PTPRK: variants seen among roughly 807,000 people sequenced by gnomAD.
PTPRK encodes the protein protein tyrosine phosphatase receptor type K, also known as receptor-type tyrosine-protein phosphatase kappa.
Under a neutral mutation model 178.0 loss-of-function variants are expected in PTPRK, and 75 were observed. The observed-to-expected ratio is 0.42, with a 90% CI of 0.35 to 0.51. The LOEUF is 0.51. Among genes scored for constraint, PTPRK ranks in the 20% least tolerant of loss-of-function variants. The pLI, the probability that PTPRK is intolerant of heterozygous loss-of-function variation, is 0.02. For synonymous variants in PTPRK, 637 were observed against 620.6 expected, an observed-to-expected ratio of 1.03 and a Z score of -0.39; for missense variants, 1,441 against 1,797.8, an observed-to-expected ratio of 0.80 and a Z score of 3.59.
chr6:128,158,417 A>G (rs550068968), intron 7 of PTPRK, among the ~76,000 whole-genome samples: 1 of 152,084 alleles, frequency 6.6e-6, no homozygotes, highest in African/African-American at 2.4e-5. Flanking sequence ...AATAATAAAG[A>G]AAAGAAAGTA....
In PTPRK at chr6:128,255,136, G is replaced by A. The variant is rs543687852; in HGVS notation, c.496-12534C>T. Among the ~76,000 whole-genome samples, 24 of 152,156 alleles carry A rather than the reference G, an allele frequency of 1.6e-4. No individual in the cohort carries two copies. The South Asian group carries it at 2.9e-3, about 18-fold the overall frequency. On this transcript the variant is annotated intron_variant, in intron 3 of 29. Transcript: ENST00000368226. ...CTCCTGAGTAGCTGGGACTACAGGC[G>A]CCCGCCACCATGCCCAGCCAATTTT...
rs536866613 is a variant in PTPRK, at chr6:128,103,404, C to A, written c.1163-13412G>T. 7.2e-5 allele frequency among the ~76,000 whole-genome samples: 11 copies of A among 152,294 alleles called. No individual in the cohort carries two copies. The South Asian group carries it at 2.3e-3, about 32-fold the overall frequency. Reference sequence around the variant, plus strand: ...CTGAGCTGATTAACACTTAAGCCATCTGCAGATGGCAGAGATAAGGAGCAC... The same window carrying A: ...CTGAGCTGATTAACACTTAAGCCATATGCAGATGGCAGAGATAAGGAGCAC... On this transcript the variant is annotated intron_variant, in intron 7 of 29. Coordinates refer to ENST00000368226, the MANE Select transcript of PTPRK (RefSeq NM_002844.4).
intron 5 of PTPRK, among the ~76,000 whole-genome samples, chr6:128,221,603 T>C (rs1022433068): frequency 4.9e-4 from 74 of 152,036 alleles, no homozygotes; most frequent in African/African-American, 1.8e-3. Context: ...TTTCTCCATA[T>C]CTTAAATCAT....
intron 13 of PTPRK, among the ~76,000 whole-genome samples, chr6:128,014,871 A>C (rs1038143644): frequency 1.3e-5 from 2 of 151,652 alleles, no homozygotes; most frequent in Non-Finnish European, 3.0e-5. Context: ...GCCCAGTATT[A>C]GATCACTGAC....
At chr6:127,976,105 C>T (rs1379450676) in intron 27 of PTPRK, among the ~76,000 whole-genome samples, 1 of 152,096 alleles carries the variant, frequency 6.6e-6, no homozygotes, top group Non-Finnish European at 1.5e-5. Flanking sequence ...GGTAGCAGCA[C>T]TGGTTCTACC....
chr6:128,218,862 A>G, intron 6 of PTPRK, 60 bp downstream of exon 6: 1 of 1,378,148 alleles, frequency 7.3e-7, no homozygotes, highest in African/African-American at 1.5e-5. Flanking sequence ...ATATCTACAG[A>G]GTTGCTTTTG....
chr6:128,316,676 G>C (rs1366277392), intron 3 of PTPRK, among the ~76,000 whole-genome samples: 1 of 150,650 alleles, frequency 6.6e-6, no homozygotes, highest in Non-Finnish European at 1.5e-5. Flanking sequence ...TCAGGAACCA[G>C]AGAGGTCACC....
intron 3 of PTPRK, among the ~76,000 whole-genome samples, chr6:128,286,000 C>T (rs1466756750): frequency 6.6e-6 from 1 of 152,018 alleles, no homozygotes; most frequent in African/African-American, 2.4e-5. Context: ...GTTGTTAAAT[C>T]CCTTTCTGTA....
chr6:128,362,429 A>G (rs936624557), intron 2 of PTPRK, among the ~76,000 whole-genome samples: 3 of 152,192 alleles, frequency 2.0e-5, no homozygotes, highest in African/African-American at 7.2e-5. Flanking sequence ...TATCCAAATT[A>G]CATCAATTTG....
chr6:128,261,629 A>C (rs1387959543), intron 3 of PTPRK, among the ~76,000 whole-genome samples: 2 of 152,224 alleles, frequency 1.3e-5, no homozygotes, highest in East Asian at 3.8e-4. Flanking sequence ...ATCTGTCTAC[A>C]TAGTAGCCAC....
At chr6:128,500,584 AAAAT>A (rs1486816534) in intron 1 of PTPRK, 1 of 152,224 alleles carries the variant, frequency 6.6e-6, no homozygotes, top group Admixed American at 6.5e-5. Context: ...TTGCTCTTTA[AAAAT>A]AAATCCCTGA....
chr6:128,197,023 T>C (rs370507163), intron 6 of PTPRK, among the ~76,000 whole-genome samples: 3 of 152,116 alleles, frequency 2.0e-5, no homozygotes, highest in African/African-American at 7.2e-5. Context: ...TTAAACATTA[T>C]AGAAAAAAGA....
chr6:128,018,710 T>C (rs1772977833), intron 13 of PTPRK, among the ~76,000 whole-genome samples: 1 of 152,060 alleles, frequency 6.6e-6, no homozygotes. Context: ...TCAGTAAGTA[T>C]TAGGGAATGT....
At chr6:128,459,858 T>G (rs1848819408) in intron 1 of PTPRK, among the ~76,000 whole-genome samples, 1 of 152,146 alleles carries the variant, frequency 6.6e-6, no homozygotes. Context: ...TCCCACAAGT[T>G]GTACAGGCAG....
chr6:128,515,268 A>G (rs1857802953), intron 1 of PTPRK, among the ~76,000 whole-genome samples: 1 of 152,232 alleles, frequency 6.6e-6, no homozygotes, highest in South Asian at 2.1e-4. Context: ...ATGGATATGC[A>G]AGTTTGCTTT....
chr6:128,239,719 A>T (rs1359695087), intron 5 of PTPRK, among the ~76,000 whole-genome samples: 1 of 152,226 alleles, frequency 6.6e-6, no homozygotes. Context: ...TTATTAAATA[A>T]GAAAAAATAT....
At chr6:128,348,613 A>T (rs1188313965) in intron 2 of PTPRK, among the ~76,000 whole-genome samples, 1 of 152,058 alleles carries the variant, frequency 6.6e-6, no homozygotes, top group Non-Finnish European at 1.5e-5. Context: ...TTTGTTAACA[A>T]ATGTATGATC....
At chr6:128,321,504 TTA>T (rs1354947366) in intron 3 of PTPRK, 3 of 324,502 alleles carry the variant, frequency 9.2e-6, no homozygotes, top group Non-Finnish European at 1.7e-5. Context: ...TGGCTTATTT[TTA>T]TATGTCATTT....
intron 13 of PTPRK, among the ~76,000 whole-genome samples, chr6:128,052,133 G>T (rs1476015342): frequency 1.3e-5 from 2 of 152,044 alleles, no homozygotes; most frequent in Non-Finnish European, 2.9e-5. Flanking sequence ...TCACTTATAT[G>T]TTGGAAAAAC....
Sources: gnomAD v4.1 joint callset for allele counts (sites outside exome capture counted in the v4.1 genomes callset) on GRCh38, gnomAD v4.1.1 for gene constraint, MANE v1.5 for transcripts, NCBI Gene and HGNC (gene_info 2026-07-23, HGNC 2026-07-21) for gene names.